CCNE1: variants seen among roughly 807,000 people sequenced by gnomAD.
The protein encoded by CCNE1 is cyclin E1.
A neutral mutation model predicts 54.1 loss-of-function variants in CCNE1; 8 were observed. The ratio of observed to expected loss-of-function variants is 0.15; its 90% CI spans 0.09 to 0.27. CCNE1 has a LOEUF of 0.27. Among genes scored for constraint, CCNE1 ranks in the 10% least tolerant of loss-of-function variants. The pLI is 1.00. For synonymous variants in CCNE1, 179 were observed against 185.2 expected, an observed-to-expected ratio of 0.97 and a Z score of 0.27; for missense variants, 430 against 514.9, an observed-to-expected ratio of 0.84 and a Z score of 1.60.
chr19:29,821,512 C>T (rs1235545540), intron 7 of CCNE1, among the ~76,000 whole-genome samples: 1 of 150,962 alleles, frequency 6.6e-6, no homozygotes, highest in African/African-American at 2.4e-5. Context: ...GTCAAAGTTC[C>T]ATCCATTTAT....
intron 3 of CCNE1, 46 bp downstream of exon 3, chr19:29,812,822 C>A: frequency 6.3e-7 from 1 of 1,586,618 alleles, no homozygotes; most frequent in Non-Finnish European, 8.6e-7. Context: ...CCCATCTCAC[C>A]TGGGTACCCG....
intron 4 of CCNE1, among the ~76,000 whole-genome samples, chr19:29,816,849 C>T (rs1974028806): frequency 8.7e-6 from 1 of 114,756 alleles, no homozygotes; most frequent in African/African-American, 3.3e-5. Context: ...CTATCCCTCC[C>T]CCCTCCCCCC....
rs763612235 is a variant in CCNE1, at chr19:29,817,175, C to T, written c.219C>T (p.Ser73=). The T allele has an allele frequency of 6.2e-7, 1 of 1,614,116 alleles. No homozygotes were observed. Among genetic ancestry groups the T allele is most frequent in the Non-Finnish European group, 8.5e-7 (1 of 1,180,040 alleles). ...DNNAVCADPC[S]LIPTPDKEDD... is the part of the protein sequence containing the mutation. ...ATGCAGTCTGTGCAGACCCCTGCTC[C>T]CTGATCCCCACACCTGACAAAGAAG... is the stretch of plus-strand genomic sequence containing the variant. Residue 73 remains serine (S), a synonymous_variant, in exon 5 of 12, where the codon TCC becomes TCT. Transcript: ENST00000262643.
chr19:29,818,884 T>C (rs1001517650), intron 6 of CCNE1, among the ~76,000 whole-genome samples: 24 of 151,974 alleles, frequency 1.6e-4, no homozygotes, highest in Non-Finnish European at 2.8e-4. Context: ...TGCCTCAGGC[T>C]CCCGAGTAGC....
intron 7 of CCNE1, 30 bp downstream of exon 7, chr19:29,820,878 ATG>A: frequency 6.6e-7 from 1 of 1,520,168 alleles, no homozygotes; most frequent in Non-Finnish European, 9.1e-7. Flanking sequence ...TTGTTCTATA[ATG>A]TGTGTTATTT....
In CCNE1 at chr19:29,812,724, G is replaced by A. The variant is rs2145715116; in HGVS notation, c.59G>A (p.Gly20Asp). 1 of 1,594,880 alleles carries A rather than the reference G, an allele frequency of 6.3e-7. No individual in the cohort carries two copies. The highest frequency in any genetic ancestry group is 8.5e-7 in the Non-Finnish European group (1 of 1,172,694). The stretch of plus-strand genomic sequence containing the variant: ...GAGCGGGACACCATGAAGGAGGACG[G>A]CGGCGCGGAGTTCTCGGCTCGCTCC... ...AKERDTMKED[G>D]GAEFSARSRK... The change falls in exon 3 of 12, where the codon GGC becomes GAC. Residue 20 changes from glycine to aspartate, a missense_variant. Gly to Asp is a moderately conservative substitution (Grantham distance 94). Transcript: ENST00000262643.
intron 4 of CCNE1, 91 bp downstream of exon 4, chr19:29,813,128 C>G: frequency 8.3e-7 from 1 of 1,201,046 alleles, no homozygotes; most frequent in Non-Finnish European, 1.2e-6. Context: ...GCTGGAGACA[C>G]TCTGGTGAGA....
At chr19:29,818,033 T>C (rs1366932353) in intron 6 of CCNE1, among the ~76,000 whole-genome samples, 1 of 149,558 alleles carries the variant, frequency 6.7e-6, no homozygotes, top group Admixed American at 6.7e-5. Flanking sequence ...AGTATTTTTT[T>C]TTTTTTTTTT....
chr19:29,816,276 C>T (rs1390598717), intron 4 of CCNE1, among the ~76,000 whole-genome samples: 1 of 151,796 alleles, frequency 6.6e-6, no homozygotes, highest in Non-Finnish European at 1.5e-5. Context: ...ATCAAACAGA[C>T]TTCTTAGAGT....
chr19:29,821,856 G>T (rs781103374), intron 8 of CCNE1, 39 bp downstream of exon 8: 1 of 1,526,916 alleles, frequency 6.5e-7, no homozygotes, highest in East Asian at 2.3e-5. Context: ...TTTTAAATGC[G>T]TACGGCAGAT....
At chr19:29,822,749 G>A in intron 11 of CCNE1, 146 bp downstream of exon 11, 1 of 719,762 alleles carries the variant, frequency 1.4e-6, no homozygotes, top group Non-Finnish European at 2.3e-6. Flanking sequence ...TTCAAGACCA[G>A]CCTGGCCAAC....
intron 6 of CCNE1, among the ~76,000 whole-genome samples, chr19:29,818,861 C>T (rs1234163458): frequency 6.6e-6 from 1 of 151,694 alleles, no homozygotes; most frequent in African/African-American, 2.4e-5. Flanking sequence ...CTCCCGGGTT[C>T]AAGCGATTTT....
chr19:29,816,696 A>G (rs1161139341), intron 4 of CCNE1, among the ~76,000 whole-genome samples: 4 of 152,144 alleles, frequency 2.6e-5, no homozygotes, highest in Non-Finnish European at 5.9e-5. Flanking sequence ...CCAAATTTAC[A>G]TTTTTGATCT....
intron 6 of CCNE1, among the ~76,000 whole-genome samples, chr19:29,818,532 A>G (rs1405134873): frequency 6.6e-6 from 1 of 152,212 alleles, no homozygotes; most frequent in Non-Finnish European, 1.5e-5. Flanking sequence ...AATTGTAAAC[A>G]TATATGAACA....
intron 1 of CCNE1, among the ~76,000 whole-genome samples, 173 bp downstream of exon 1, chr19:29,812,325 C>G (rs1296843066): frequency 1.4e-5 from 2 of 147,308 alleles, no homozygotes; most frequent in Non-Finnish European, 3.0e-5. Context: ...TGAGGCAGCC[C>G]GGGCCCCGGG....
rs1251328261 is a variant in CCNE1, at chr19:29,823,816, G to A, written c.*39G>A. ...CTCCACCAAAGACAGTTGCGCGCCT[G>A]CTCCACGTTCTCTTCTGTCTGTTGC... is the stretch of plus-strand genomic sequence containing the variant. On this transcript the variant is annotated 3_prime_UTR_variant, in exon 12 of 12. Coordinates refer to ENST00000262643, the MANE Select transcript of CCNE1 (RefSeq NM_001238.4). 6.3e-7 allele frequency: 1 copy of A among 1,577,378 alleles called. No individual in the cohort carries two copies. Among genetic ancestry groups the A allele is most frequent in the Admixed American group, 1.8e-5 (1 of 55,080 alleles).
intron 2 of CCNE1, 46 bp from the exon 3 acceptor site, chr19:29,812,643 G>A: frequency 1.9e-6 from 3 of 1,555,322 alleles, no homozygotes; most frequent in Non-Finnish European, 2.6e-6. Flanking sequence ...GTGGGGGAGG[G>A]GCGGCCGCGG....
chr19:29,819,735 T>G (rs1244706665), intron 6 of CCNE1, among the ~76,000 whole-genome samples: 1 of 152,256 alleles, frequency 6.6e-6, no homozygotes, highest in Non-Finnish European at 1.5e-5. Flanking sequence ...GCTTATAGTT[T>G]CTTGATTAAG....
intron 4 of CCNE1, chr19:29,813,329 C>T: frequency 2.6e-6 from 1 of 386,988 alleles, no homozygotes; most frequent in Non-Finnish European, 4.7e-6. Context: ...CCCTTCTGCC[C>T]AGGAGGAAAC....
Sources: gnomAD v4.1 joint callset for allele counts (sites outside exome capture counted in the v4.1 genomes callset) on GRCh38, gnomAD v4.1.1 for gene constraint, MANE v1.5 for transcripts, NCBI Gene and HGNC (gene_info 2026-07-23, HGNC 2026-07-21) for gene names.